The following GRIK2 variants were observed in gnomAD, a reference collection of about 807,000 sequenced individuals.
GRIK2 encodes the protein glutamate receptor ionotropic, kainate 2.
A neutral mutation model predicts 100.3 loss-of-function variants in GRIK2; 32 were observed. The ratio of observed to expected loss-of-function variants is 0.32; its 90% confidence interval spans 0.24 to 0.43. GRIK2 has a LOEUF of 0.43. GRIK2 is among the 20% of genes least tolerant of loss of function. The pLI is 1.00. For synonymous variants in GRIK2, 417 were observed against 389.4 expected, an observed-to-expected ratio of 1.07 and a Z score of -0.83; for missense variants, 843 against 1,114.9, an observed-to-expected ratio of 0.76 and a Z score of 3.47.
At chr6:101,997,866 TTATGA>T (rs1794731916) in intron 14 of GRIK2, among the ~76,000 whole-genome samples, 1 of 152,130 alleles carries the variant, frequency 6.6e-6, no homozygotes, top group South Asian at 2.1e-4. Flanking sequence ...TGGAAGTTTA[TTATGA>T]TATGTAAACT....
chr6:101,518,287 A>G (rs1774691177), intron 2 of GRIK2, among the ~76,000 whole-genome samples: 1 of 152,168 alleles, frequency 6.6e-6, no homozygotes, highest in East Asian at 1.9e-4. Flanking sequence ...GGTGTGTGAT[A>G]AAAGCAAAAA....
chr6:101,494,055 G>A (rs2032361), intron 2 of GRIK2, among the ~76,000 whole-genome samples: 86,956 of 144,802 alleles, frequency 0.6, 27,090 homozygotes, highest in African/African-American at 0.77. Flanking sequence ...AAATATATAT[G>A]ATATTTTTAT....
intron 5 of GRIK2, among the ~76,000 whole-genome samples, chr6:101,681,931 C>T (rs1417227981): frequency 6.6e-6 from 1 of 151,878 alleles, no homozygotes; most frequent in Non-Finnish European, 1.5e-5. Context: ...AGTTCTAACC[C>T]AAAAGTCCTT....
At chr6:101,789,780 T>G (rs555088530) in intron 7 of GRIK2, among the ~76,000 whole-genome samples, 1 of 152,368 alleles carries the variant, frequency 6.6e-6, no homozygotes, top group South Asian at 2.1e-4. Flanking sequence ...GCATTGAATC[T>G]ATAAATTACC....
chr6:102,064,131 C>A, intron 16 of GRIK2: 2 of 682,814 alleles, frequency 2.9e-6, no homozygotes, highest in Non-Finnish European at 5.2e-6. Context: ...TGTTTTCATC[C>A]TAAGGAACTG....
At chr6:101,640,932 T>A (rs1024218727) in intron 4 of GRIK2, among the ~76,000 whole-genome samples, 1 of 152,162 alleles carries the variant, frequency 6.6e-6, no homozygotes, top group Non-Finnish European at 1.5e-5. Flanking sequence ...ATTTAAAATG[T>A]TTAAACAAGC....
At chr6:101,683,832 A>G (rs1035254910) in intron 6 of GRIK2, among the ~76,000 whole-genome samples, 32 of 152,144 alleles carry the variant, frequency 2.1e-4, no homozygotes, top group African/African-American at 7.2e-4. Flanking sequence ...AAAAATTTCA[A>G]CTTTTGTTGA....
At chr6:101,682,748 T>C (rs1771370375) in intron 6 of GRIK2, 142 bp downstream of exon 6, 2 of 495,840 alleles carry the variant, frequency 4.0e-6, no homozygotes, top group South Asian at 7.4e-5. Flanking sequence ...CCAAAATTAT[T>C]ATCAGAGAGG....
At chr6:101,453,077 A>G (rs1770798942) in intron 2 of GRIK2, among the ~76,000 whole-genome samples, 1 of 151,936 alleles carries the variant, frequency 6.6e-6, no homozygotes, top group African/African-American at 2.4e-5. Flanking sequence ...TCTACATATT[A>G]AAGTTTTCAA....
chr6:101,537,915 A>T (rs1775793847), intron 2 of GRIK2, among the ~76,000 whole-genome samples: 1 of 151,814 alleles, frequency 6.6e-6, no homozygotes, highest in African/African-American at 2.4e-5. Context: ...CCATCTGCAT[A>T]GTATTGTTTG....
At chr6:101,403,024 G>A (rs1775409019) in intron 2 of GRIK2, among the ~76,000 whole-genome samples, 1 of 152,180 alleles carries the variant, frequency 6.6e-6, no homozygotes, top group Non-Finnish European at 1.5e-5. Context: ...ACTGACCCCA[G>A]CCTGTACGGA....
intron 1 of GRIK2, among the ~76,000 whole-genome samples, 89 bp downstream of exon 1, chr6:101,393,926 G>A (rs1237630481): frequency 6.6e-6 from 1 of 152,188 alleles, no homozygotes; most frequent in Non-Finnish European, 1.5e-5. Context: ...GGGTGGGCGA[G>A]GGGCATTTTC....
At chr6:101,875,066 T>C (rs1298384819) in intron 11 of GRIK2, among the ~76,000 whole-genome samples, 1 of 152,152 alleles carries the variant, frequency 6.6e-6, no homozygotes. Flanking sequence ...ATTTCCTTTT[T>C]TCCTAATTGA....
chr6:101,464,703 G>A (rs779035839), intron 2 of GRIK2, among the ~76,000 whole-genome samples: 2 of 151,328 alleles, frequency 1.3e-5, no homozygotes, highest in Non-Finnish European at 2.9e-5. Context: ...TGTATTTTTA[G>A]TAGAGACAGG....
chr6:101,534,873 T>C (rs928538260), intron 2 of GRIK2, among the ~76,000 whole-genome samples: 3 of 151,758 alleles, frequency 2.0e-5, no homozygotes, highest in East Asian at 1.9e-4. Context: ...TCTTTTTTTT[T>C]CTTACTCTAA....
intron 15 of GRIK2, among the ~76,000 whole-genome samples, chr6:102,037,284 G>A (rs9498821): frequency 0.091 from 13,809 of 151,204 alleles, 2,175 homozygotes; most frequent in African/African-American, 0.32. Context: ...GGTTAATGGT[G>A]TAATTGGAAT....
intron 2 of GRIK2, among the ~76,000 whole-genome samples, chr6:101,424,812 T>C (rs1253683977): frequency 2.0e-5 from 3 of 151,038 alleles, no homozygotes; most frequent in East Asian, 2.0e-4. Context: ...TGAGAACATG[T>C]GGTGTTTGGT....
In GRIK2 at chr6:101,455,698, G is replaced by A. The variant is rs150206091; in HGVS notation, c.115+56306G>A. On this transcript the variant is annotated intron_variant, in intron 2 of 16. Transcript: ENST00000369134. ...TACTTGGGTAATATAGGTAGATAAC[G>A]GTTTGATTTGGGAAACATCATATGA... Among the ~76,000 whole-genome samples the A allele has an allele frequency of 1.9e-3, 292 of 152,066 alleles. No homozygotes were observed. The Middle Eastern group carries it at 0.02, about 11-fold the overall frequency.
At chr6:101,889,605 C>CT (rs2243354) in intron 11 of GRIK2, 35 bp from the exon 12 acceptor site, 29,986 of 703,480 alleles carry the variant, frequency 0.043, 236 homozygotes, top group African/African-American at 0.067. Context: ...TTCTTTCTTT[C>CT]TTTTTTTTTT....
Sources: gnomAD v4.1 joint callset for allele counts (sites outside exome capture counted in the v4.1 genomes callset) on GRCh38, gnomAD v4.1.1 for gene constraint, MANE v1.5 for transcripts, NCBI Gene and HGNC (gene_info 2026-07-23, HGNC 2026-07-21) for gene names.